Variants in KIAA0825 observed in about 807,000 individuals in gnomAD.
The protein encoded by KIAA0825 is KIAA0825.
KIAA0825 carries 119 observed loss-of-function variants against 147.6 expected under a neutral mutation model. The ratio of observed to expected loss-of-function variants is 0.81; its 90% CI spans 0.69 to 0.94. The LOEUF (loss-of-function observed/expected upper bound fraction) is 0.94. Ranked by LOEUF, KIAA0825 falls within the 40% of genes least tolerant of loss-of-function variation. KIAA0825 has a pLI of 0.00. For synonymous variants in KIAA0825, 470 were observed against 518.1 expected, an observed-to-expected ratio of 0.91 and a Z score of 1.26; for missense variants, 1,381 against 1,472.7, an observed-to-expected ratio of 0.94 and a Z score of 1.02.
At chr5:94,547,464 G>GC (rs1774636996) in intron 2 of KIAA0825, among the ~76,000 whole-genome samples, 1 of 152,052 alleles carries the variant, frequency 6.6e-6, no homozygotes, top group South Asian at 2.1e-4. Flanking sequence ...CCTGCTGGGC[G>GC]CAGTAGCTCA....
At chr5:94,514,758 A>G (rs764211973) in intron 5 of KIAA0825, among the ~76,000 whole-genome samples, 6 of 152,182 alleles carry the variant, frequency 3.9e-5, no homozygotes, top group Non-Finnish European at 5.9e-5. Flanking sequence ...CTACTTTCTA[A>G]TAGTGATCTT....
chr5:94,559,364 C>T (rs1777144380), intron 2 of KIAA0825, among the ~76,000 whole-genome samples: 1 of 152,128 alleles, frequency 6.6e-6, no homozygotes, highest in Admixed American at 6.5e-5. Context: ...TTCCCTCTTA[C>T]GTTTTCTATG....
intron 11 of KIAA0825, 54 bp downstream of exon 11, chr5:94,464,815 A>G: frequency 6.8e-7 from 1 of 1,468,634 alleles, no homozygotes. Flanking sequence ...TCTGCTTTAT[A>G]CCAACTAATG....
At chr5:94,453,188 T>C (rs370361736) in intron 12 of KIAA0825, 119 bp from the exon 13 acceptor site, 7 of 634,588 alleles carry the variant, frequency 1.1e-5, no homozygotes, top group East Asian at 6.6e-5. Context: ...GTTTCTTTGT[T>C]TGGAGACAGA....
At chr5:94,532,872 T>C (rs1771111901) in intron 3 of KIAA0825, among the ~76,000 whole-genome samples, 1 of 151,560 alleles carries the variant, frequency 6.6e-6, no homozygotes, top group Non-Finnish European at 1.5e-5. Flanking sequence ...CAGCAAAACT[T>C]ACTTCCTAAG....
In KIAA0825 at chr5:94,383,217, G is replaced by T. The variant is rs151282815; in HGVS notation, c.3710+1151C>A. 1.8e-3 allele frequency among the ~76,000 whole-genome samples: 273 copies of T among 152,264 alleles called. 1 individual carries two copies. Among genetic ancestry groups the T allele is most frequent in the Non-Finnish European group, 3.3e-3 (227 of 68,030 alleles). On this transcript the variant is annotated intron_variant, in intron 20 of 20. Transcript: ENST00000682413. Reference sequence around the variant, plus strand: ...TCTGGCCTTGATCAGTAAGCTTCTGGGTTGTTGAACTTTGTCTATGATGGG... The same window carrying T: ...TCTGGCCTTGATCAGTAAGCTTCTGTGTTGTTGAACTTTGTCTATGATGGG...
chr5:94,453,406 C>T (rs1030575629), intron 12 of KIAA0825, among the ~76,000 whole-genome samples: 12 of 147,510 alleles, frequency 8.1e-5, no homozygotes, highest in Non-Finnish European at 1.5e-4. Context: ...AGGCTGGTCT[C>T]GAACCCCTGA....
chr5:94,494,310 A>C (rs1764090116), intron 5 of KIAA0825, among the ~76,000 whole-genome samples: 1 of 145,354 alleles, frequency 6.9e-6, no homozygotes, highest in Non-Finnish European at 1.5e-5. Flanking sequence ...TCCTATATTC[A>C]ATCCTTTTTT....
chr5:94,580,485 G>A (rs1781887619), intron 2 of KIAA0825, among the ~76,000 whole-genome samples: 1 of 151,942 alleles, frequency 6.6e-6, no homozygotes, highest in Non-Finnish European at 1.5e-5. Flanking sequence ...AGGGATCTGG[G>A]TGAGTGGATT....
At chr5:94,158,357 G>A (rs536021416) in intron 20 of KIAA0825, among the ~76,000 whole-genome samples, 27 of 152,134 alleles carry the variant, frequency 1.8e-4, no homozygotes, top group Admixed American at 1.3e-3. Context: ...CCAAATTTGC[G>A]CTAGAATGAT....
chr5:94,455,967 G>A (rs1759054621), intron 12 of KIAA0825, among the ~76,000 whole-genome samples: 2 of 152,136 alleles, frequency 1.3e-5, no homozygotes, highest in Admixed American at 6.6e-5. Context: ...CCAAGAAAGT[G>A]AGGGTATGAG....
rs1562284004 is a variant in KIAA0825 at position 94,152,847 on chromosome 5, AAAAAAAAATTATATAT to A, written c.*1144_*1159del. 12 of 30,154 alleles carry A rather than the reference AAAAAAAAATTATATAT, an allele frequency of 4.0e-4. 1 individual carries two copies. Among genetic ancestry groups the A allele is most frequent in the Non-Finnish European group, 6.1e-4 (9 of 14,768 alleles). 1.9% of individuals were successfully genotyped at this position (30,154 alleles called of 1,614,324 possible). ...AAAAAAAAAAAAAAAAAAAAAAAAA[AAAAAAAAATTATATAT>A]ATATATATATATATATATATATATA... On this transcript the variant is annotated 3_prime_UTR_variant, in exon 21 of 21. Transcript: ENST00000682413.
chr5:94,591,468 A>G (rs1045756616), intron 1 of KIAA0825, among the ~76,000 whole-genome samples: 9 of 152,184 alleles, frequency 5.9e-5, no homozygotes, highest in African/African-American at 1.9e-4. Flanking sequence ...AAAACTATGA[A>G]AGCATGGGCA....
At chr5:94,357,462 A>C (rs1410702314) in intron 20 of KIAA0825, among the ~76,000 whole-genome samples, 2 of 152,276 alleles carry the variant, frequency 1.3e-5, no homozygotes, top group East Asian at 1.9e-4. Flanking sequence ...TGTATAAAAC[A>C]AAATAAACAA....
intron 1 of KIAA0825, chr5:94,594,644 A>C (rs1223453494): frequency 3.2e-6 from 2 of 629,512 alleles, no homozygotes; most frequent in Non-Finnish European, 5.9e-6. Context: ...TAAAAGGAAA[A>C]TCTTCTATGA....
chr5:94,328,531 G>A (rs967285219), intron 20 of KIAA0825, among the ~76,000 whole-genome samples: 10 of 151,830 alleles, frequency 6.6e-5, no homozygotes, highest in African/African-American at 1.4e-4. Flanking sequence ...AGAACATAGC[G>A]TGATATAAAA....
Position 94,471,460 on chromosome 5 carries a change from A to G in KIAA0825, c.1721+6T>C. 1.3e-6 allele frequency: 2 copies of G among 1,551,140 alleles called. No homozygotes were observed. The highest frequency in any genetic ancestry group is 1.7e-6 in the Non-Finnish European group (2 of 1,146,518). On this transcript the variant is annotated splice_donor_region_variant and intron_variant, in intron 9 of 20. Transcript: ENST00000682413. ...TGGCCATCATCTTAATTTAAACAAC[A>G]CTCACTTTTTAGTCATTTCCTTCAT...
chr5:94,613,816 G>A (rs1307539515), intron 1 of KIAA0825, among the ~76,000 whole-genome samples: 1 of 152,238 alleles, frequency 6.6e-6, no homozygotes, highest in Non-Finnish European at 1.5e-5. Flanking sequence ...GGCTAGCTGT[G>A]AGTCAGGAGG....
intron 20 of KIAA0825, among the ~76,000 whole-genome samples, chr5:94,261,998 C>A (rs1175585902): frequency 1.3e-5 from 2 of 151,850 alleles, no homozygotes; most frequent in Non-Finnish European, 2.9e-5. Flanking sequence ...ATATAAATTT[C>A]TTTTAAAAAA....
Sources: gnomAD v4.1 joint callset for allele counts (sites outside exome capture counted in the v4.1 genomes callset) on GRCh38, gnomAD v4.1.1 for gene constraint, MANE v1.5 for transcripts, NCBI Gene and HGNC (gene_info 2026-07-23, HGNC 2026-07-21) for gene names.